The following PREX2 variants were observed in gnomAD, a reference collection of about 807,000 sequenced individuals.
The protein encoded by PREX2 is phosphatidylinositol 3,4,5-trisphosphate-dependent Rac exchanger 2 protein.
Under a neutral mutation model 203.2 loss-of-function variants are expected in PREX2, and 107 were observed. The ratio of observed to expected loss-of-function variants is 0.53; its 90% CI spans 0.45 to 0.62. The LOEUF (loss-of-function observed/expected upper bound fraction) is 0.62, where lower values mean the gene tolerates loss of function less well. Among genes scored for constraint, PREX2 ranks in the 20% least tolerant of loss-of-function variants. The pLI is 0.00. For missense variants in PREX2, 1,777 were observed against 1,955.9 expected (o/e 0.91, Z 1.72); for synonymous variants, 672 against 663.6 (o/e 1.01, Z -0.19).
intron 20 of PREX2, among the ~76,000 whole-genome samples, chr8:68,091,263 C>T (rs1809866179): frequency 6.6e-6 from 1 of 152,124 alleles, no homozygotes; most frequent in African/African-American, 2.4e-5. Context: ...CCAAAATGTA[C>T]TCGGCGTTAT....
At chr8:67,992,128 C>G (rs901870817) in intron 1 of PREX2, among the ~76,000 whole-genome samples, 6 of 152,166 alleles carry the variant, frequency 3.9e-5, no homozygotes, top group African/African-American at 1.4e-4. Flanking sequence ...TTGGCCTACA[C>G]TTGCTCTTTG....
chr8:68,109,234 CAT>C (rs760596311), intron 24 of PREX2, among the ~76,000 whole-genome samples, 180 bp from the exon 25 acceptor site: 1 of 152,122 alleles, frequency 6.6e-6, no homozygotes. Context: ...TGAAGTAATA[CAT>C]ATGTTAATTA....
chr8:68,236,683 A>T lies in PREX2; in HGVS notation c.*5305A>T, dbSNP rs553454365. On this transcript the variant is annotated 3_prime_UTR_variant, in exon 40 of 40. Transcript: ENST00000288368. ...AGTAGAACAGAGCTTTTTGCCTAAA[A>T]ATATTTTTATAAGTACTCATTTACA... 5.9e-5 allele frequency: 9 copies of T among 152,262 alleles called. No individual in the cohort carries two copies. In the South Asian group the frequency reaches 1.9e-3, roughly 32 times the overall value. 9.4% of individuals were successfully genotyped at this position (152,262 alleles called of 1,614,324 possible). A position where few individuals can be genotyped will look rare whatever the true frequency, so the allele number is the denominator to read the frequency against.
chr8:68,142,168 C>T (rs1405250654), intron 33 of PREX2, among the ~76,000 whole-genome samples: 1 of 152,154 alleles, frequency 6.6e-6, no homozygotes, highest in Non-Finnish European at 1.5e-5. Flanking sequence ...TTAGGATTCA[C>T]TCTTGGAGCT....
At chr8:68,081,299 G>C (rs1197918412) in intron 17 of PREX2, among the ~76,000 whole-genome samples, 1 of 152,144 alleles carries the variant, frequency 6.6e-6, no homozygotes, top group African/African-American at 2.4e-5. Context: ...CTTGACAGGA[G>C]GTGGAGCTCA....
At chr8:68,185,835 C>T (rs945582256) in intron 35 of PREX2, among the ~76,000 whole-genome samples, 2 of 148,290 alleles carry the variant, frequency 1.3e-5, no homozygotes, top group Non-Finnish European at 3.0e-5. Flanking sequence ...TACTCTGCAG[C>T]CCATATAAAA....
At chr8:68,105,890 A>ATT (rs945938155) in intron 23 of PREX2, 16 of 153,868 alleles carry the variant, frequency 1.0e-4, no homozygotes, top group African/African-American at 3.9e-4. Context: ...GCATTACTGT[A>ATT]TTATATATAT....
At chr8:68,056,904 A>G (rs537036501) in intron 10 of PREX2, among the ~76,000 whole-genome samples, 3 of 152,264 alleles carry the variant, frequency 2.0e-5, no homozygotes, top group South Asian at 4.1e-4. Context: ...TGCTTTGAAA[A>G]CATGGAGATG....
At chr8:68,124,347 A>G (rs1226147678) in intron 30 of PREX2, among the ~76,000 whole-genome samples, 1 of 152,110 alleles carries the variant, frequency 6.6e-6, no homozygotes, top group African/African-American at 2.4e-5. Context: ...AGAAACATGA[A>G]TGGAGCTGGA....
At chr8:67,986,356 G>A (rs952103624) in intron 1 of PREX2, among the ~76,000 whole-genome samples, 1 of 152,010 alleles carries the variant, frequency 6.6e-6, no homozygotes, top group Non-Finnish European at 1.5e-5. Context: ...AAGAAGTCTT[G>A]TGATGGAGTT....
intron 22 of PREX2, 137 bp downstream of exon 22, chr8:68,097,338 T>TC: frequency 1.4e-6 from 1 of 706,002 alleles, no homozygotes; most frequent in Non-Finnish European, 2.2e-6. Context: ...TTTTTTTTTT[T>TC]TCTTGAGACA....
At chr8:68,083,148 GCT>G in intron 17 of PREX2, 90 bp from the exon 18 acceptor site, 3 of 893,782 alleles carry the variant, frequency 3.4e-6, no homozygotes, top group Non-Finnish European at 5.0e-6. Context: ...ATATCTATAA[GCT>G]CTGAAACTTT....
At chr8:68,105,689 A>T in intron 23 of PREX2, 1 of 251,324 alleles carries the variant, frequency 4.0e-6, no homozygotes, top group Non-Finnish European at 6.1e-6. Flanking sequence ...GATTATATAT[A>T]TATATATATA....
At chr8:68,050,214 T>C (rs1392546720) in intron 8 of PREX2, among the ~76,000 whole-genome samples, 1 of 152,134 alleles carries the variant, frequency 6.6e-6, no homozygotes, top group African/African-American at 2.4e-5. Flanking sequence ...GCAATTAAGC[T>C]GTTATTTGAG....
At chr8:68,075,882 A>C (rs981753284) in intron 14 of PREX2, among the ~76,000 whole-genome samples, 2 of 152,104 alleles carry the variant, frequency 1.3e-5, no homozygotes, top group South Asian at 4.1e-4. Context: ...CTTTATAGAC[A>C]GGTAGAATGT....
chr8:68,007,612 CT>C (rs1300657682), intron 1 of PREX2, among the ~76,000 whole-genome samples: 7 of 151,510 alleles, frequency 4.6e-5, no homozygotes, highest in African/African-American at 1.2e-4. Context: ...GTACCAGTTA[CT>C]TTTTTTTTAT....
chr8:67,982,090 C>A (rs1365089403), intron 1 of PREX2, among the ~76,000 whole-genome samples: 1 of 152,130 alleles, frequency 6.6e-6, no homozygotes, highest in Non-Finnish European at 1.5e-5. Flanking sequence ...AGCTGTGTGA[C>A]CTCAGGAAAG....
chr8:67,987,185 CACTA>C (rs138467752), intron 1 of PREX2, among the ~76,000 whole-genome samples: 51,001 of 135,086 alleles, frequency 0.38, 10,934 homozygotes, highest in East Asian at 0.6. Context: ...AAAAGAACAC[CACTA>C]ACTAATTTCT....
At chr8:68,149,114 T>A (rs1201939947) in intron 34 of PREX2, among the ~76,000 whole-genome samples, 1 of 152,170 alleles carries the variant, frequency 6.6e-6, no homozygotes, top group Non-Finnish European at 1.5e-5. Context: ...CCTAGGAAAT[T>A]TACTAAAGTC....
Sources: gnomAD v4.1 joint callset for allele counts (sites outside exome capture counted in the v4.1 genomes callset) on GRCh38, gnomAD v4.1.1 for gene constraint, MANE v1.5 for transcripts, NCBI Gene and HGNC (gene_info 2026-07-23, HGNC 2026-07-21) for gene names.